ZNF814: variants seen among roughly 807,000 people sequenced by gnomAD.
ZNF814 encodes the protein zinc finger protein 814.
ZNF814 carries 5 observed loss-of-function variants against 7.5 expected under a neutral mutation model. The ratio of observed to expected loss-of-function variants is 0.67; its 90% confidence interval spans 0.35 to 1.40. The LOEUF is 1.40. Among genes scored for constraint, ZNF814 ranks in the 40% most tolerant of loss-of-function variants. ZNF814 has a pLI of 0.04. For synonymous variants in ZNF814, 315 were observed against 340.7 expected, an observed-to-expected ratio of 0.92 and a Z score of 0.83; for missense variants, 962 against 1,018.0, an observed-to-expected ratio of 0.94 and a Z score of 0.75.
chr19:57,873,747 T>C lies in ZNF814; in HGVS notation c.1643A>G (p.Tyr548Cys), dbSNP rs539861211. 2 of 1,613,548 alleles carry C rather than the reference T, an allele frequency of 1.2e-6. No homozygotes were observed. The highest frequency in any genetic ancestry group is 1.7e-6 in the Non-Finnish European group (2 of 1,179,766). The change falls in exon 3 of 3, where the codon TAT (tyrosine) becomes TGT (cysteine). Residue 548 changes from tyrosine to cysteine, a missense_variant. Transcript: ENST00000435989. Reference protein sequence around the residue: ...HQQIHTGDRLYECGECGKSFS... With the variant: ...HQQIHTGDRLCECGECGKSFS... ...AGATTTCCCACACTCTCCACACTCA[T>C]AAAGTCTGTCCCCAGTGTGAATTTG...
rs1446260955 is a variant in ZNF814, at chr19:57,872,678, ACT to A, written c.*142_*143del. On this transcript the variant is annotated 3_prime_UTR_variant, in exon 3 of 3. Coordinates refer to ENST00000435989, the MANE Select transcript of ZNF814 (RefSeq NM_001144989.2). ...TCATAAGGTGGTGTGACCAGTGTGAACTCTCTTATGAACACAGAATGCAGAGC... is the reference window on the plus strand; with the variant it reads ...TCATAAGGTGGTGTGACCAGTGTGAACTCTTATGAACACAGAATGCAGAGC... 8.2e-6 allele frequency: 13 copies of A among 1,582,968 alleles called. No individual in the cohort carries two copies. Among genetic ancestry groups the A allele is most frequent in the Middle Eastern group, 3.4e-4 (2 of 5,908 alleles).
At chr19:57,903,189 G>A in the ZNF814 span, among the ~76,000 whole-genome samples, 54 of 152,134 alleles carry the variant, frequency 3.5e-4, no homozygotes, top group African/African-American at 1.1e-3. Context: ...CTCTTATCCC[G>A]TTCAAAAAGA....
chr19:57,903,204 T>C, the ZNF814 span, among the ~76,000 whole-genome samples: 5 of 152,216 alleles, frequency 3.3e-5, no homozygotes, highest in East Asian at 1.9e-4. Flanking sequence ...AAAAGATTTA[T>C]AGTTGCTCTT....
chr19:57,874,750 A>G lies in ZNF814; in HGVS notation c.640T>C (p.Tyr214His). ...VSPIQCGGAH[Y>H]SCGESMKHFS... ...TGTTTCATGGATTCTCCACAGCTGT[A>G]GTGAGCTCCCCCACACTGAATGGGA... is the stretch of plus-strand genomic sequence containing the variant. The change falls in exon 3 of 3, where the codon TAC becomes CAC. Residue 214 changes from tyrosine to histidine, a missense_variant. Physicochemically the swap from Tyr to His is moderately conservative, Grantham distance 83. Around this residue, in one of 7 missense-constraint regions of ZNF814, gnomAD observed 126 missense variants for 123.5 expected, o/e 1.02. Transcript: ENST00000435989. The G allele has an allele frequency of 6.2e-7, 1 of 1,612,836 alleles. No homozygotes were observed. Among genetic ancestry groups the G allele is most frequent in the East Asian group, 2.2e-5 (1 of 44,866 alleles).
In ZNF814 at chr19:57,872,364, C is replaced by T. The variant is rs941977614; in HGVS notation, c.*458G>A. 2.5e-5 allele frequency: 5 copies of T among 196,574 alleles called. No homozygotes were observed. Among genetic ancestry groups the T allele is most frequent in the Admixed American group, 1.6e-4 (3 of 18,764 alleles). The allele number at this position is 196,574 out of a possible 1,614,324, so 12.2% of individuals were successfully genotyped here. On this transcript the variant is annotated 3_prime_UTR_variant, in exon 3 of 3. Coordinates refer to ENST00000435989, the MANE Select transcript of ZNF814 (RefSeq NM_001144989.2). ...AAGGCATTTCTGCAGTGGGAAGTCTCCTGTGTGTTATGAAGCTAGATTTCT... is the reference window on the plus strand; with the variant it reads ...AAGGCATTTCTGCAGTGGGAAGTCTTCTGTGTGTTATGAAGCTAGATTTCT...
At position 57,873,163 on chromosome 19, in the gene ZNF814, G is replaced by A. The variant is rs2071571454; in HGVS notation, c.2227C>T (p.Pro743Ser). The A allele has an allele frequency of 1.9e-6, 3 of 1,613,668 alleles. No individual in the cohort carries two copies. The East Asian group carries it at 6.7e-5, about 36-fold the overall frequency. ...TTTCCACAATCATTGCATTCATAAG[G>A]CCTTTCTCCAGTGTGAACTCTCTGA... ...AHQRVHTGER[P>S]YECNDCGKSF... The change falls in exon 3 of 3, where the codon CCT (proline) becomes TCT (serine). Residue 743 changes from proline (P) to serine (S), a missense_variant. Physicochemically the swap from Pro to Ser is moderately conservative, Grantham distance 74 (BLOSUM62 -1). This residue lies in a region of ZNF814 where 665 missense variants were observed against 551.4 expected (regional missense o/e 1.21). Coordinates refer to ENST00000435989, the MANE Select transcript of ZNF814 (RefSeq NM_001144989.2).
At chr19:57,899,374 G>A in the ZNF814 span, among the ~76,000 whole-genome samples, 576 of 152,292 alleles carry the variant, frequency 3.8e-3, 7 homozygotes, top group African/African-American at 0.013. Context: ...TGTAACTGCT[G>A]CAGGACTAAT....
Position 57,872,546 on chromosome 19 carries a change from C to CT in ZNF814, c.*275dup. ...TCAAGGAGAAAAGACCTTCAGGTAA[C>CT]TTTTTTCCCACATTTGCTGCAATCA... On this transcript the variant is annotated 3_prime_UTR_variant, in exon 3 of 3. Coordinates refer to ENST00000435989, the MANE Select transcript of ZNF814 (RefSeq NM_001144989.2). The CT allele has an allele frequency of 3.6e-6, 3 of 822,830 alleles. No individual in the cohort carries two copies. Among genetic ancestry groups the CT allele is most frequent in the South Asian group, 1.9e-5 (1 of 51,318 alleles). The allele number at this position is 822,830 out of a possible 1,614,324, so 51.0% of individuals were successfully genotyped here. A position where few individuals can be genotyped will look rare whatever the true frequency, so the allele number is the denominator to read the frequency against.
At chr19:57,894,849 A>G in the ZNF814 span, among the ~76,000 whole-genome samples, 3 of 152,072 alleles carry the variant, frequency 2.0e-5, no homozygotes, top group Non-Finnish European at 4.4e-5. Flanking sequence ...AAAAAAAAAA[A>G]AATCATAGCC....
chr19:57,896,232 C>A, the ZNF814 span, among the ~76,000 whole-genome samples: 3 of 150,692 alleles, frequency 2.0e-5, no homozygotes, highest in Non-Finnish European at 4.4e-5. This position sits in a 1 kb window ranked among gnomAD's most constrained non-coding sequence, Gnocchi z 4.2. Flanking sequence ...AAAGAAGGAG[C>A]CAAAATTCCA....
At position 57,873,187 on chromosome 19, in the gene ZNF814, G is replaced by T; in HGVS notation, c.2203C>A (p.Gln735Lys). Residue 735 changes from glutamine (Q) to lysine (K), a missense_variant, in exon 3 of 3, where the codon CAG (glutamine) becomes AAG (lysine). By Grantham distance (53) the Gln-to-Lys change is moderately conservative. This residue lies in a region of ZNF814 where 665 missense variants were observed against 551.4 expected (regional missense o/e 1.21). Transcript: ENST00000435989. The stretch of plus-strand genomic sequence containing the variant: ...GGCCTTTCTCCAGTGTGAACTCTCT[G>T]ATGTGCAATGAGTTGGTACTTGTTT... The part of the protein sequence containing the change: ...FRNKYQLIAH[Q>K]RVHTGERPYE... 6.2e-7 allele frequency: 1 copy of T among 1,613,270 alleles called. No individual in the cohort carries two copies. Among genetic ancestry groups the T allele is most frequent in the Non-Finnish European group, 8.5e-7 (1 of 1,179,704 alleles).
the ZNF814 span, chr19:57,901,533 C>T: frequency 1.6e-4 from 63 of 398,142 alleles, no homozygotes; most frequent in Middle Eastern, 6.3e-4. Flanking sequence ...GCCCACCAAA[C>T]ATCTGAAGGT....
At chr19:57,888,544 T>A (rs2071712129) in intron 1 of ZNF814, among the ~76,000 whole-genome samples, 1 of 152,098 alleles carries the variant, frequency 6.6e-6, no homozygotes. Flanking sequence ...CCAGATTCCA[T>A]CCTTCTGGCT....
At chr19:57,877,221 T>C (rs1252394948) in intron 1 of ZNF814, among the ~76,000 whole-genome samples, 179 bp from the exon 2 acceptor site, 1 of 152,162 alleles carries the variant, frequency 6.6e-6, no homozygotes, top group Non-Finnish European at 1.5e-5. Context: ...TAGGTATCTG[T>C]GTGGTGGTTG....
the ZNF814 span, among the ~76,000 whole-genome samples, chr19:57,902,928 C>G: frequency 6.6e-6 from 1 of 152,102 alleles, no homozygotes; most frequent in South Asian, 2.1e-4. Context: ...ATCCGCCCGC[C>G]GCAGCCTCCC....
At position 57,870,500 on chromosome 19, in the gene ZNF814, T is replaced by C. The variant is rs1300467327; in HGVS notation, c.*2322A>G. 1.3e-5 allele frequency: 2 copies of C among 152,170 alleles called. No individual in the cohort carries two copies. Among genetic ancestry groups the C allele is most frequent in the Admixed American group, 1.3e-4 (2 of 15,276 alleles). 9.4% of individuals were successfully genotyped at this position (152,170 alleles called of 1,614,324 possible). ...TCCCTTCTCCCTATCATCTTCCTCC[T>C]GTTAATGCAGGAATGACCTTGAGGA... On this transcript the variant is annotated 3_prime_UTR_variant, in exon 3 of 3. Transcript: ENST00000435989.
upstream of ZNF814, chr19:57,889,182 G>A (rs1171992644): frequency 1.0e-5 from 4 of 399,120 alleles, no homozygotes; most frequent in African/African-American, 6.2e-5. Flanking sequence ...CAACAAGGAG[G>A]GTAAAGGGCG....
chr19:57,885,047 C>A (rs1341578016), intron 1 of ZNF814, among the ~76,000 whole-genome samples: 1 of 152,126 alleles, frequency 6.6e-6, no homozygotes, highest in African/African-American at 2.4e-5. Context: ...GTAGGCCGGA[C>A]GCAGTGGCTC....
chr19:57,875,000 A>G lies in ZNF814; in HGVS notation c.390T>C (p.Tyr130=), dbSNP rs1156627725. The G allele has an allele frequency of 1.9e-6, 3 of 1,611,532 alleles. No homozygotes were observed. Reference sequence around the variant, plus strand: ...GGTGCTGATGAAAGTTTCCACTGTCATACAATTTATTCCCCCAGGCCTCAC... The same window carrying G: ...GGTGCTGATGAAAGTTTCCACTGTCGTACAATTTATTCCCCCAGGCCTCAC... The part of the protein sequence containing the change: ...HRCEAWGNKL[Y]DSGNFHQHQN... Residue 130 remains tyrosine, a synonymous_variant, in exon 3 of 3, where the codon TAT becomes TAC. Coordinates refer to ENST00000435989, the MANE Select transcript of ZNF814 (RefSeq NM_001144989.2).
Sources: gnomAD v4.1 joint callset for allele counts (sites outside exome capture counted in the v4.1 genomes callset) on GRCh38, gnomAD v4.1.1 for gene constraint, gnomAD v4.1.1 regional missense constraint, Gnocchi (gnomAD v3.1) non-coding constraint, MANE v1.5 for transcripts, NCBI Gene and HGNC (gene_info 2026-07-23, HGNC 2026-07-21) for gene names.